LRP1B: variants seen among roughly 807,000 people sequenced by gnomAD.
LRP1B encodes low-density lipoprotein receptor-related protein 1B.
A neutral mutation model predicts 556.6 loss-of-function variants in LRP1B; 217 were observed. The ratio of observed to expected loss-of-function variants is 0.39; its 90% CI spans 0.35 to 0.44. The LOEUF is 0.44. Among genes scored for constraint, LRP1B ranks in the 20% least tolerant of loss-of-function variants. The pLI is 1.00. For missense variants in LRP1B, 5,053 were observed against 5,620.8 expected, an observed-to-expected ratio of 0.90 and a Z score of 3.23; for synonymous variants, 2,047 against 1,865.8, an observed-to-expected ratio of 1.10 and a Z score of -2.50.
chr2:141,062,332 G>A (rs2105469223), intron 7 of LRP1B, 59 bp from the exon 8 acceptor site: 1 of 1,130,126 alleles, frequency 8.8e-7, no homozygotes, highest in Non-Finnish European at 1.3e-6. Flanking sequence ...ACGTTTGATG[G>A]AGCCATCTGT....
chr2:140,378,102 C>T (rs952081866), intron 68 of LRP1B, 78 bp downstream of exon 68: 38 of 950,318 alleles, frequency 4.0e-5, no homozygotes, highest in Non-Finnish European at 5.6e-5. Context: ...CCTTGCCGCA[C>T]TTATTGGACT....
At chr2:140,648,818 T>G (rs144408652) in intron 41 of LRP1B, among the ~76,000 whole-genome samples, 96 of 152,156 alleles carry the variant, frequency 6.3e-4, no homozygotes, top group Middle Eastern at 3.4e-3. Flanking sequence ...AACTTTAAAT[T>G]TAATTGTAAT....
intron 57 of LRP1B, among the ~76,000 whole-genome samples, chr2:140,491,070 G>A (rs1182046911): frequency 6.6e-6 from 1 of 151,928 alleles, no homozygotes; most frequent in Non-Finnish European, 1.5e-5. Context: ...GATGCATAGA[G>A]GAAAAAATCA....
intron 1 of LRP1B, among the ~76,000 whole-genome samples, chr2:142,056,992 G>A (rs755397823): frequency 2.0e-5 from 3 of 152,092 alleles, no homozygotes; most frequent in South Asian, 2.1e-4. Flanking sequence ...CAGCACTTTC[G>A]TATCTCTGAC....
At chr2:141,810,084 GC>G (rs1461531848) in intron 2 of LRP1B, among the ~76,000 whole-genome samples, 194 bp downstream of exon 2, 1 of 127,660 alleles carries the variant, frequency 7.8e-6, no homozygotes, top group African/African-American at 3.2e-5. Context: ...AGTTTCTTAG[GC>G]TATTTGGAAA....
intron 43 of LRP1B, among the ~76,000 whole-genome samples, chr2:140,558,880 G>T (rs906063787): frequency 4.0e-5 from 6 of 151,058 alleles, no homozygotes; most frequent in African/African-American, 1.5e-4. Context: ...AGGCTGCAGT[G>T]AGTTGTAATG....
At position 140,961,073 on chromosome 2, in the gene LRP1B, C is replaced by T. The variant is rs16845025; in HGVS notation, c.2888-9133G>A. Among the ~76,000 whole-genome samples, 631 of 152,012 alleles carry T rather than the reference C, an allele frequency of 4.2e-3. 5 individuals carry two copies. The highest frequency in any genetic ancestry group is 0.014 in the African/African-American group (591 of 41,548). On this transcript the variant is annotated intron_variant, in intron 18 of 90. Coordinates refer to ENST00000389484, the MANE Select transcript of LRP1B (RefSeq NM_018557.3). ...GGTTTTGTGTTCTCTATTTAATCCT[C>T]ATGCCAACAATATGAGATAGATTTT...
At chr2:140,699,854 G>T (rs768924581) in intron 41 of LRP1B, among the ~76,000 whole-genome samples, 3 of 146,560 alleles carry the variant, frequency 2.0e-5, no homozygotes, top group African/African-American at 5.0e-5. Flanking sequence ...TCTGATGTTT[G>T]CTTGAGAAAC....
At chr2:141,898,826 A>T (rs1699532757) in intron 1 of LRP1B, among the ~76,000 whole-genome samples, 1 of 152,158 alleles carries the variant, frequency 6.6e-6, no homozygotes, top group Non-Finnish European at 1.5e-5. Context: ...TTGTTATAGA[A>T]TAAAGGGGTT....
At chr2:140,261,068 T>TATAA (rs1445819409) in intron 86 of LRP1B, among the ~76,000 whole-genome samples, 3 of 150,968 alleles carry the variant, frequency 2.0e-5, no homozygotes, top group Non-Finnish European at 4.4e-5. Context: ...TATATATATA[T>TATAA]AATATATATG....
chr2:142,061,984 T>G (rs1218294703), intron 1 of LRP1B, among the ~76,000 whole-genome samples: 1 of 151,930 alleles, frequency 6.6e-6, no homozygotes, highest in Admixed American at 6.6e-5. Flanking sequence ...ATGAGTGGGC[T>G]GCTGCTATTG....
At chr2:142,015,620 A>G (rs1367696492) in intron 1 of LRP1B, among the ~76,000 whole-genome samples, 1 of 152,096 alleles carries the variant, frequency 6.6e-6, no homozygotes. Flanking sequence ...TTTGCAATCT[A>G]CTCATCTGAC....
chr2:141,505,131 C>A (rs1251087892), intron 2 of LRP1B, among the ~76,000 whole-genome samples: 1 of 151,738 alleles, frequency 6.6e-6, no homozygotes, highest in Non-Finnish European at 1.5e-5. Flanking sequence ...CTCTCTCTTC[C>A]CCTCCCCTCA....
chr2:141,818,124 C>T (rs1017981346), intron 1 of LRP1B, among the ~76,000 whole-genome samples: 3 of 152,146 alleles, frequency 2.0e-5, no homozygotes, highest in African/African-American at 7.2e-5. Context: ...CATACCACAA[C>T]ACTCATAACT....
chr2:141,685,002 G>A (rs1298784936), intron 2 of LRP1B, among the ~76,000 whole-genome samples: 2 of 152,080 alleles, frequency 1.3e-5, no homozygotes, highest in South Asian at 2.1e-4. Context: ...CGAGAGCCAC[G>A]CAGGATTATT....
At chr2:141,607,880 GC>G (rs1196960386) in intron 2 of LRP1B, among the ~76,000 whole-genome samples, 11 of 152,136 alleles carry the variant, frequency 7.2e-5, no homozygotes, top group African/African-American at 2.4e-4. Flanking sequence ...CTGTAATCAT[GC>G]CACTGCCCTT....
chr2:141,169,919 A>C (rs1342486320), intron 7 of LRP1B, among the ~76,000 whole-genome samples: 3 of 151,978 alleles, frequency 2.0e-5, no homozygotes, highest in African/African-American at 7.2e-5. Context: ...ATTATAAAGT[A>C]CCAATATACA....
chr2:141,921,624 T>C lies in LRP1B; in HGVS notation c.83-111223A>G, dbSNP rs564878177. On this transcript the variant is annotated intron_variant, in intron 1 of 90. Transcript: ENST00000389484. ...TTTTATAAATATAAGTTCATGCTAGTATAGAGAATCACCACTATGTCTTAG... is the reference window on the plus strand; with the variant it reads ...TTTTATAAATATAAGTTCATGCTAGCATAGAGAATCACCACTATGTCTTAG... Among the ~76,000 whole-genome samples, 9 of 152,184 alleles carry C rather than the reference T, an allele frequency of 5.9e-5. No homozygotes were observed. The East Asian group carries it at 1.7e-3, about 29-fold the overall frequency.
At chr2:141,624,722 C>T (rs916269129) in intron 2 of LRP1B, among the ~76,000 whole-genome samples, 15 of 152,090 alleles carry the variant, frequency 9.9e-5, no homozygotes, top group Non-Finnish European at 7.4e-5. Context: ...CTCATTTTTA[C>T]AAATGTAACT....
Sources: allele counts gnomAD v4.1 joint callset (sites outside exome capture counted in the v4.1 genomes callset), GRCh38; gene constraint gnomAD v4.1.1; transcripts MANE v1.5; gene names NCBI Gene and HGNC (gene_info 2026-07-23, HGNC 2026-07-21).